Variants in PRKACB observed in about 807,000 individuals in gnomAD.
The protein encoded by PRKACB is cAMP-dependent protein kinase catalytic subunit beta.
Under a neutral mutation model 51.4 loss-of-function variants are expected in PRKACB, and 16 were observed. The ratio of observed to expected loss-of-function variants is 0.31; its 90% CI spans 0.21 to 0.47. PRKACB has a LOEUF of 0.47. Among genes scored for constraint, PRKACB ranks in the 20% least tolerant of loss-of-function variants. The pLI, the probability that PRKACB is intolerant of heterozygous loss-of-function variation, is 1.00. For missense variants in PRKACB, 309 were observed against 464.5 expected, an observed-to-expected ratio of 0.67 and a Z score of 3.08; for synonymous variants, 147 against 154.4, an observed-to-expected ratio of 0.95 and a Z score of 0.35.
chr1:84,204,392 A>G (rs1670990815), intron 8 of PRKACB: 2 of 1,001,102 alleles, frequency 2.0e-6, no homozygotes, highest in Admixed American at 3.7e-5. Context: ...GTACTTATTT[A>G]AACAAGTATC....
chr1:84,086,707 C>T (rs1214956366), intron 1 of PRKACB, among the ~76,000 whole-genome samples: 2 of 152,176 alleles, frequency 1.3e-5, no homozygotes, highest in African/African-American at 4.8e-5. Flanking sequence ...CTTAGTCATC[C>T]CACCTCCTAC....
At position 84,080,444 on chromosome 1, in the gene PRKACB, CTTTA is replaced by C. The variant is rs573685166; in HGVS notation, c.46+2079_46+2082del. ...GTATGTTAGTCAGCTTTTTGTGTAA[CTTTA>C]TTTATGGAAACTGAAGGTCATTATA... On this transcript the variant is annotated intron_variant, in intron 1 of 8. Coordinates refer to the PRKACB transcript ENST00000370688. 5.2e-4 allele frequency among the ~76,000 whole-genome samples: 79 copies of C among 152,080 alleles called. 1 individual carries two copies. The highest frequency in any genetic ancestry group is 2.1e-4 in the South Asian group (1 of 4,818).
At chr1:84,128,844 G>A (rs1651894542) in intron 1 of PRKACB, among the ~76,000 whole-genome samples, 1 of 152,156 alleles carries the variant, frequency 6.6e-6, no homozygotes, top group Admixed American at 6.5e-5. Context: ...TTATGGAAAT[G>A]TTTGATGTTG....
At chr1:84,190,112 TACA>T (rs1666317294) in intron 5 of PRKACB, among the ~76,000 whole-genome samples, 1 of 151,792 alleles carries the variant, frequency 6.6e-6, no homozygotes, top group Non-Finnish European at 1.5e-5. Flanking sequence ...ATACTTTTCA[TACA>T]ACATATTTTT....
At chr1:84,118,650 A>G (rs1650819240) in intron 1 of PRKACB, among the ~76,000 whole-genome samples, 1 of 152,194 alleles carries the variant, frequency 6.6e-6, no homozygotes, top group African/African-American at 2.4e-5. Flanking sequence ...AGACCTGAGA[A>G]CAGCAGAAAG....
intron 1 of PRKACB, among the ~76,000 whole-genome samples, chr1:84,095,411 A>C (rs1337256033): frequency 6.6e-6 from 1 of 152,094 alleles, no homozygotes; most frequent in East Asian, 1.9e-4. Context: ...ATATTTTATA[A>C]GTATGGAATT....
At chr1:84,100,275 A>G (rs758790651) in intron 1 of PRKACB, among the ~76,000 whole-genome samples, 13 of 152,226 alleles carry the variant, frequency 8.5e-5, no homozygotes, top group African/African-American at 2.4e-4. Context: ...CCATGATCCA[A>G]TCACTTCCCA....
At chr1:84,078,132 C>CGG (rs1387177012), upstream of PRKACB, 2 of 505,132 alleles carry the variant, frequency 4.0e-6, no homozygotes, top group Non-Finnish European at 3.2e-6. Flanking sequence ...CTGCTGCTGC[C>CGG]GGTGCTAAGG....
At position 84,125,069 on chromosome 1, in the gene PRKACB, C is replaced by T. The variant is rs35458852; in HGVS notation, c.46+46698C>T. 9.7e-3 allele frequency among the ~76,000 whole-genome samples: 1,470 copies of T among 152,240 alleles called. 13 individuals carry two copies. The highest frequency in any genetic ancestry group is 0.015 in the Non-Finnish European group (1,052 of 68,014). On this transcript the variant is annotated intron_variant, in intron 1 of 8. Transcript: ENST00000370688. ...GCTTAAATAGTGGCTTAAAATAACA[C>T]CCATTTATTATCTCACTGTTCTGTA... is the stretch of plus-strand genomic sequence containing the variant.
intron 8 of PRKACB, 43 bp downstream of exon 8, chr1:84,202,848 G>A: frequency 6.7e-7 from 1 of 1,488,140 alleles, no homozygotes; most frequent in South Asian, 1.2e-5. Flanking sequence ...TACTGTATAT[G>A]AATTTTAAGC....
At chr1:84,156,692 A>T (rs969702001) in intron 1 of PRKACB, among the ~76,000 whole-genome samples, 1 of 152,170 alleles carries the variant, frequency 6.6e-6, no homozygotes, top group Non-Finnish European at 1.5e-5. Flanking sequence ...TGGTATTTTT[A>T]AAAATAGTTG....
intron 2 of PRKACB, among the ~76,000 whole-genome samples, chr1:84,180,208 A>ATATATATGTGTG (rs933229907): frequency 3.1e-5 from 4 of 129,942 alleles, no homozygotes; most frequent in African/African-American, 1.1e-4. Flanking sequence ...ATATATATAT[A>ATATATATGTGTG]TGTATGATGG....
At chr1:84,100,764 GT>G (rs1649292634) in intron 1 of PRKACB, among the ~76,000 whole-genome samples, 2 of 152,144 alleles carry the variant, frequency 1.3e-5, no homozygotes, top group African/African-American at 4.8e-5. Context: ...GTCAGGCACT[GT>G]TATCAATCCT....
At chr1:84,152,625 T>G (rs1334434561) in intron 1 of PRKACB, among the ~76,000 whole-genome samples, 1 of 152,180 alleles carries the variant, frequency 6.6e-6, no homozygotes, top group Non-Finnish European at 1.5e-5. Context: ...GCTTCTTTCC[T>G]TTAAACCTCA....
chr1:84,226,235 C>CT (rs1674570604), intron 9 of PRKACB, among the ~76,000 whole-genome samples: 2 of 146,742 alleles, frequency 1.4e-5, no homozygotes, highest in African/African-American at 4.9e-5. Flanking sequence ...TTTTCTCTTC[C>CT]TTTTTTGATT....
chr1:84,164,375 T>A (rs746390945), intron 1 of PRKACB: 6 of 1,566,072 alleles, frequency 3.8e-6, no homozygotes, highest in Non-Finnish European at 5.2e-6. Flanking sequence ...GACGTTTAGG[T>A]GCAATCATTC....
At chr1:84,147,742 GAGA>G (rs1654296431) in intron 1 of PRKACB, among the ~76,000 whole-genome samples, 1 of 152,008 alleles carries the variant, frequency 6.6e-6, no homozygotes, top group Non-Finnish European at 1.5e-5. Flanking sequence ...TTGAGACCTA[GAGA>G]AGAAGGTTAT....
At chr1:84,127,480 A>G (rs1651723867) in intron 1 of PRKACB, among the ~76,000 whole-genome samples, 1 of 152,224 alleles carries the variant, frequency 6.6e-6, no homozygotes, top group Admixed American at 6.5e-5. Flanking sequence ...TTTCCAGAAA[A>G]GAAGTATGAA....
upstream of PRKACB, among the ~76,000 whole-genome samples, chr1:84,140,124 T>C (rs1181925047): frequency 3.9e-5 from 6 of 152,254 alleles, no homozygotes; most frequent in African/African-American, 1.2e-4. Flanking sequence ...TAGAAAGCTA[T>C]GGTAATCAAG....
Sources: allele counts gnomAD v4.1 joint callset (sites outside exome capture counted in the v4.1 genomes callset), GRCh38; gene constraint gnomAD v4.1.1; transcripts MANE v1.5; gene names NCBI Gene and HGNC (gene_info 2026-07-23, HGNC 2026-07-21).